The following GPR50 variants were observed in gnomAD, a reference collection of about 807,000 sequenced individuals.
The protein encoded by GPR50 is G protein-coupled receptor 50.
A neutral mutation model predicts 2.6 loss-of-function variants in GPR50; 1 was observed. The observed-to-expected ratio is 0.38, with a 90% CI of 0.13 to 1.79. GPR50 has a LOEUF of 1.79. Ranked by LOEUF, GPR50 falls within the 40% of genes most tolerant of loss-of-function variation. The probability of loss-of-function intolerance (pLI) is 0.33; values close to 1 mark genes in which losing one functional copy is unlikely to be tolerated. For synonymous variants in GPR50, 233 were observed against 202.3 expected (o/e 1.15, Z -1.29); for missense variants, 535 against 522.1 (o/e 1.02, Z -0.24).
In GPR50 at chrX:151,181,293, G is replaced by A; in HGVS notation, c.1710G>A (p.Gly570=). Residue 570 remains glycine, a synonymous_variant, in exon 2 of 2, where the codon GGG becomes GGA. Transcript: ENST00000218316. The part of the protein sequence containing the change: ...LPESASSPAA[G]PTKPAASQLE... The stretch of plus-strand genomic sequence containing the variant: ...AGTCGGCCTCTAGCCCTGCCGCTGG[G>A]CCCACCAAGCCTGCTGCCAGCCAGC... 8.3e-7 allele frequency: 1 copy of A among 1,210,709 alleles called. No individual in the cohort carries two copies.
At chrX:151,181,466 G>T (rs778913282), downstream of GPR50, 3 of 1,086,918 alleles carry the variant, frequency 2.8e-6, no homozygotes, top group Non-Finnish European at 2.5e-6. Context: ...GCCAGGCAGT[G>T]GTCCCCTTTC....
chrX:151,181,766 C>G (rs750005749), downstream of GPR50, among the ~76,000 whole-genome samples: 1 of 112,254 alleles, frequency 8.9e-6, no homozygotes, highest in Non-Finnish European at 1.9e-5. Context: ...TCCCACTCCT[C>G]TGTCCCTCCT....
intron 1 of GPR50, 80 bp downstream of exon 1, chrX:151,176,988 A>G (rs1388029254): frequency 1.5e-6 from 1 of 668,326 alleles, no homozygotes; most frequent in Non-Finnish European, 2.3e-6. Context: ...CTCCCCGAAT[A>G]GAGAATCTAT....
chrX:151,177,050 G>T, intron 1 of GPR50, 142 bp downstream of exon 1: 2 of 461,354 alleles, frequency 4.3e-6, no homozygotes, highest in South Asian at 3.7e-5. Context: ...CCGCAAGCCT[G>T]GGGGTGGTAG....
Position 151,180,670 on chromosome X carries a change from A to G in GPR50, c.1087A>G (p.Met363Val). 8.3e-7 allele frequency: 1 copy of G among 1,211,401 alleles called. No individual in the cohort carries two copies. The highest frequency in any genetic ancestry group is 1.1e-6 in the Non-Finnish European group (1 of 895,418). ...HACPAVEETP[M>V]NVRNVPLPGD... ...CTGTCCTGCTGTGGAGGAAACCCCGATGAATGTCCGGAATGTTCCATTACC... is the reference window on the plus strand; with the variant it reads ...CTGTCCTGCTGTGGAGGAAACCCCGGTGAATGTCCGGAATGTTCCATTACC... Residue 363 changes from methionine to valine, a missense_variant, in exon 2 of 2, where the codon ATG becomes GTG. Coordinates refer to ENST00000218316, the MANE Select transcript of GPR50 (RefSeq NM_004224.3).
In GPR50 at chrX:151,180,169, C is replaced by T. The variant is rs202126801; in HGVS notation, c.586C>T (p.His196Tyr). 1 of 1,204,668 alleles carries T rather than the reference C, an allele frequency of 8.3e-7. No homozygotes were observed. Among genetic ancestry groups the T allele is most frequent in the Non-Finnish European group, 1.1e-6 (1 of 894,881 alleles). ...CTTCACTGTTACCATCGTCTGCATC[C>T]ACTTCGTCCTCCCTCTCCTCATCGT... is the stretch of plus-strand genomic sequence containing the variant. ...PVFTVTIVCI[H>Y]FVLPLLIVGF... The change falls in exon 2 of 2, where the codon CAC becomes TAC. Residue 196 changes from histidine to tyrosine, a missense_variant. Transcript: ENST00000218316.
chrX:151,181,192 C>T lies in GPR50; in HGVS notation c.1609C>T (p.Pro537Ser). The T allele has an allele frequency of 8.3e-7, 1 of 1,211,263 alleles. No individual in the cohort carries two copies. Among genetic ancestry groups the T allele is most frequent in the East Asian group, 3.0e-5 (1 of 33,836 alleles). ...SHPKPTAADN[P>S]ELSASHCPEI... ...CCCTAAGCCCACTGCTGCTGACAAC[C>T]CTGAGCTCTCTGCCTCCCATTGCCC... The change falls in exon 2 of 2, where the codon CCT (proline) becomes TCT (serine). Residue 537 changes from proline to serine, a missense_variant. Pro to Ser is a moderately conservative substitution (Grantham distance 74). Transcript: ENST00000218316.
chrX:151,180,162 C>T lies in GPR50; in HGVS notation c.579C>T (p.Val193=). 8.3e-7 allele frequency: 1 copy of T among 1,207,181 alleles called. No individual in the cohort carries two copies. Among genetic ancestry groups the T allele is most frequent in the Non-Finnish European group, 1.1e-6 (1 of 895,254 alleles). ...LNNPVFTVTI[V]CIHFVLPLLI... ...ACCCTGTCTTCACTGTTACCATCGT[C>T]TGCATCCACTTCGTCCTCCCTCTCC... is the stretch of plus-strand genomic sequence containing the variant. Residue 193 remains valine (V), a synonymous_variant, in exon 2 of 2, where the codon GTC becomes GTT. Transcript: ENST00000218316.
rs780097558 is a variant in GPR50 at position 151,180,622 on chromosome X, C to G, written c.1039C>G (p.Arg347Gly). ...RARAHARDQA[R>G]EQDRAHACPA... ...CCGTGCCCATGCTCGCGACCAAGCTCGTGAACAAGACCGTGCCCATGCCTG... is the reference window on the plus strand; with the variant it reads ...CCGTGCCCATGCTCGCGACCAAGCTGGTGAACAAGACCGTGCCCATGCCTG... Residue 347 changes from arginine to glycine, a missense_variant, in exon 2 of 2, where the codon CGT becomes GGT. Transcript: ENST00000218316. The G allele has an allele frequency of 5.8e-6, 7 of 1,208,817 alleles. No individual in the cohort carries two copies. The South Asian group carries it at 7.0e-5, about 12-fold the overall frequency.
rs780151060 is a variant in GPR50, at chrX:151,180,586, C to G, written c.1003C>G (p.Leu335Val). The change falls in exon 2 of 2, where the codon CTG becomes GTG. Residue 335 changes from leucine to valine, a missense_variant. Leu to Val is a conservative substitution (Grantham distance 32, BLOSUM62 1). Coordinates refer to ENST00000218316, the MANE Select transcript of GPR50 (RefSeq NM_004224.3). ...TCGTGAGATGCAGGAGGCCCGTACC[C>G]TGGCCCGCGCCCGTGCCCATGCTCG... ...DIREMQEART[L>V]ARARAHARDQ... 1 of 1,210,598 alleles carries G rather than the reference C, an allele frequency of 8.3e-7. No homozygotes were observed.
At chrX:151,182,082 A>G (rs1269324453), downstream of GPR50, among the ~76,000 whole-genome samples, 1 of 112,808 alleles carries the variant, frequency 8.9e-6, no homozygotes, top group Non-Finnish European at 1.9e-5. Context: ...TTTTATGCCT[A>G]TGAGATCAAA....
intron 1 of GPR50, among the ~76,000 whole-genome samples, chrX:151,179,481 C>T (rs1192519751): frequency 9.1e-6 from 1 of 110,380 alleles, no homozygotes; most frequent in Non-Finnish European, 1.9e-5. Flanking sequence ...TCCTCCTTCT[C>T]CCTCCCCCTC....
chrX:151,182,323 A>T (rs1215363942), downstream of GPR50: 5 of 111,888 alleles, frequency 4.5e-5, no homozygotes, highest in African/African-American at 1.6e-4. Flanking sequence ...GGTTGCTAGG[A>T]TCAATTATGG....
chrX:151,176,838 C>G lies in GPR50; in HGVS notation c.117C>G (p.Ile39Met). The change falls in exon 1 of 2, where the codon ATC (isoleucine) becomes ATG (methionine). Residue 39 changes from isoleucine to methionine, a missense_variant. By Grantham distance (10) the Ile-to-Met change is conservative (BLOSUM62 1). Coordinates refer to ENST00000218316, the MANE Select transcript of GPR50 (RefSeq NM_004224.3). ...IFMFCAMVIT[I>M]VVDLIGNSMV... is the part of the protein sequence containing the mutation. ...TGTTCTGCGCGATGGTTATCACCAT[C>G]GTTGTAGACCTAATCGGCAACTCCA... The G allele has an allele frequency of 8.3e-7, 1 of 1,204,806 alleles. No homozygotes were observed. The highest frequency in any genetic ancestry group is 1.1e-6 in the Non-Finnish European group (1 of 889,851).
At chrX:151,182,332 G>C (rs1193896293), downstream of GPR50, 1 of 111,338 alleles carries the variant, frequency 9.0e-6, no homozygotes, top group African/African-American at 3.3e-5. Context: ...GATCAATTAT[G>C]GTAATATTTT....
Position 151,176,826 on chromosome X carries a change from G to T in GPR50, c.105G>T (p.Met35Ile), listed in dbSNP as rs756110895. 8.3e-7 allele frequency: 1 copy of T among 1,205,226 alleles called. No individual in the cohort carries two copies. The highest frequency in any genetic ancestry group is 1.8e-5 in the South Asian group (1 of 56,703). ...TAATCATCTTTATGTTCTGCGCGAT[G>T]GTTATCACCATCGTTGTAGACCTAA... ...PALIIFMFCA[M>I]VITIVVDLIG... Residue 35 changes from methionine (M) to isoleucine (I), a missense_variant, in exon 1 of 2, where the codon ATG becomes ATT. Coordinates refer to ENST00000218316, the MANE Select transcript of GPR50 (RefSeq NM_004224.3).
downstream of GPR50, among the ~76,000 whole-genome samples, chrX:151,181,624 T>C (rs2048716007): frequency 8.9e-6 from 1 of 111,971 alleles, no homozygotes; most frequent in South Asian, 3.7e-4. Context: ...TGTGCGTGGG[T>C]GTGTGTGTGC....
In GPR50 at chrX:151,180,622, C is replaced by T. The variant is rs780097558; in HGVS notation, c.1039C>T (p.Arg347Cys). 132 of 1,208,871 alleles carry T rather than the reference C, an allele frequency of 1.1e-4. No homozygotes were observed. The highest frequency in any genetic ancestry group is 9.5e-4 in the South Asian group (54 of 56,733). ...RARAHARDQA[R>C]EQDRAHACPA... ...CCGTGCCCATGCTCGCGACCAAGCT[C>T]GTGAACAAGACCGTGCCCATGCCTG... The change falls in exon 2 of 2, where the codon CGT becomes TGT. Residue 347 changes from arginine (R) to cysteine (C), a missense_variant. Physicochemically the swap from Arg to Cys is radical, Grantham distance 180. Coordinates refer to ENST00000218316, the MANE Select transcript of GPR50 (RefSeq NM_004224.3).
rs760767794 is a variant in GPR50 at position 151,180,174 on chromosome X, C to T, written c.591C>T (p.Phe197=). 2.5e-6 allele frequency: 3 copies of T among 1,206,287 alleles called. No homozygotes were observed. The highest frequency in any genetic ancestry group is 2.2e-5 in the Admixed American group (1 of 46,050). ...CTGTTACCATCGTCTGCATCCACTTCGTCCTCCCTCTCCTCATCGTGGGTT... is the reference window on the plus strand; with the variant it reads ...CTGTTACCATCGTCTGCATCCACTTTGTCCTCCCTCTCCTCATCGTGGGTT... ...VFTVTIVCIH[F]VLPLLIVGFC... is the part of the protein sequence containing the mutation. The change falls in exon 2 of 2, where the codon TTC becomes TTT. Residue 197 remains phenylalanine (F), a synonymous_variant. Transcript: ENST00000218316.
Sources: allele counts gnomAD v4.1 joint callset (sites outside exome capture counted in the v4.1 genomes callset), GRCh38; gene constraint gnomAD v4.1.1; transcripts MANE v1.5; gene names NCBI Gene and HGNC (gene_info 2026-07-23, HGNC 2026-07-21).